ENTREP2: variants seen among roughly 807,000 people sequenced by gnomAD.
ENTREP2 encodes the protein protein ENTREP2.
the ENTREP2 span, among the ~76,000 whole-genome samples, chr15:29,440,719 C>T: frequency 3.3e-5 from 5 of 152,306 alleles, no homozygotes; most frequent in East Asian, 9.7e-4. Context: ...GCCTCTTCCA[C>T]TGTCACCATC....
At chr15:29,530,671 C>T in the ENTREP2 span, among the ~76,000 whole-genome samples, 2 of 152,204 alleles carry the variant, frequency 1.3e-5, no homozygotes, top group Non-Finnish European at 2.9e-5. Flanking sequence ...AGCACCCAGT[C>T]GTTCCCTGTG....
the ENTREP2 span, among the ~76,000 whole-genome samples, chr15:29,399,038 C>T: frequency 6.6e-6 from 1 of 152,194 alleles, no homozygotes; most frequent in African/African-American, 2.4e-5. Context: ...AGAAGTTGTG[C>T]TGCTGGCCTT....
chr15:29,231,229 G>C, the ENTREP2 span, among the ~76,000 whole-genome samples: 13 of 152,080 alleles, frequency 8.5e-5, no homozygotes, highest in Admixed American at 1.3e-4. Flanking sequence ...AGTCTACTAC[G>C]ATGCAGCTTC....
At chr15:29,164,980 C>G in the ENTREP2 span, among the ~76,000 whole-genome samples, 1 of 151,958 alleles carries the variant, frequency 6.6e-6, no homozygotes, top group African/African-American at 2.4e-5. Flanking sequence ...ATCAAGCACT[C>G]TCTCAGTGGA....
chr15:29,569,873 T>G, the ENTREP2 span: 1 of 150,102 alleles, frequency 6.7e-6, no homozygotes, highest in African/African-American at 2.5e-5. Flanking sequence ...GGACGCCGGA[T>G]GCGGGTCGCC....
chr15:29,176,828 G>A, the ENTREP2 span, among the ~76,000 whole-genome samples: 1 of 152,208 alleles, frequency 6.6e-6, no homozygotes, highest in Non-Finnish European at 1.5e-5. Context: ...ATGTGCCTCT[G>A]CAGTTTTGGT....
At chr15:29,319,260 C>T in the ENTREP2 span, among the ~76,000 whole-genome samples, 4,416 of 152,204 alleles carry the variant, frequency 0.029, 204 homozygotes, top group African/African-American at 0.1. Flanking sequence ...ACATTAGAGA[C>T]CAGTGGAGAG....
At chr15:29,593,066 A>G in the ENTREP2 span, among the ~76,000 whole-genome samples, 1 of 152,184 alleles carries the variant, frequency 6.6e-6, no homozygotes, top group Non-Finnish European at 1.5e-5. Context: ...ACAGCAACAC[A>G]AATAGACTAA....
chr15:29,269,934 C>A, the ENTREP2 span: 1 of 477,716 alleles, frequency 2.1e-6, no homozygotes, highest in Non-Finnish European at 3.6e-6. Context: ...CCTGCAGGTC[C>A]GGGCGATGAT....
chr15:29,179,874 C>A, the ENTREP2 span, among the ~76,000 whole-genome samples: 1 of 152,064 alleles, frequency 6.6e-6, no homozygotes, highest in Non-Finnish European at 1.5e-5. Context: ...CGTGAGCCAC[C>A]GCGCCCAGCC....
the ENTREP2 span, among the ~76,000 whole-genome samples, chr15:29,504,817 T>C: frequency 6.9e-4 from 105 of 152,364 alleles, no homozygotes; most frequent in African/African-American, 2.4e-3. Context: ...TTTTCATCTA[T>C]CAAACTAGAA....
the ENTREP2 span, among the ~76,000 whole-genome samples, chr15:29,644,971 C>G: frequency 1.3e-5 from 2 of 152,254 alleles, no homozygotes; most frequent in African/African-American, 4.8e-5. Context: ...AATTCCAGCT[C>G]TTTGGGAGGC....
At chr15:29,464,875 C>T in the ENTREP2 span, among the ~76,000 whole-genome samples, 6 of 152,134 alleles carry the variant, frequency 3.9e-5, no homozygotes, top group African/African-American at 7.2e-5. Flanking sequence ...CCCTCAGAGA[C>T]GAGCCTCCCA....
chr15:29,199,964 T>C, the ENTREP2 span, among the ~76,000 whole-genome samples: 1 of 152,234 alleles, frequency 6.6e-6, no homozygotes, highest in Non-Finnish European at 1.5e-5. Context: ...CCAACATTTG[T>C]TGAAAAATCT....
chr15:29,510,373 A>C, the ENTREP2 span, among the ~76,000 whole-genome samples: 1 of 152,240 alleles, frequency 6.6e-6, no homozygotes, highest in Non-Finnish European at 1.5e-5. Context: ...TAGAAATACT[A>C]TTTGAACTAG....
the ENTREP2 span, among the ~76,000 whole-genome samples, chr15:29,224,013 G>GAA: frequency 6.6e-6 from 1 of 152,164 alleles, no homozygotes; most frequent in Non-Finnish European, 1.5e-5. Flanking sequence ...TGGGTTCTTG[G>GAA]TCGCACTGAC....
the ENTREP2 span, among the ~76,000 whole-genome samples, chr15:29,329,181 T>C: frequency 1.3e-5 from 2 of 151,608 alleles, no homozygotes; most frequent in African/African-American, 4.9e-5. Context: ...GCTAACATGG[T>C]GAAACCCCGT....
the ENTREP2 span, among the ~76,000 whole-genome samples, chr15:29,511,339 C>T: frequency 9.9e-3 from 921 of 93,474 alleles, 5 homozygotes; most frequent in African/African-American, 0.039. Flanking sequence ...CTTCTTTTTT[C>T]TTTTCTTTTT....
chr15:29,657,483 C>CAGGGCGGGGCGGG, the ENTREP2 span, among the ~76,000 whole-genome samples: 2 of 69,382 alleles, frequency 2.9e-5, no homozygotes, highest in Non-Finnish European at 5.6e-5. Flanking sequence ...GCTGGGGGGG[C>CAGGGCGGGGCGGG]GGGGGGGGGG....
Sources: allele counts gnomAD v4.1 joint callset (sites outside exome capture counted in the v4.1 genomes callset), GRCh38; gene constraint gnomAD v4.1.1; transcripts MANE v1.5; gene names NCBI Gene and HGNC (gene_info 2026-07-23, HGNC 2026-07-21).